The following EMX2 variants were observed in gnomAD, a reference collection of about 807,000 sequenced individuals.
The protein encoded by EMX2 is empty spiracles homeobox 2.
A neutral mutation model predicts 23.0 loss-of-function variants in EMX2; 6 were observed. That is an observed-to-expected ratio of 0.26 (90% confidence interval 0.14 to 0.52). The LOEUF is 0.52. Ranked by LOEUF, EMX2 falls within the 20% of genes least tolerant of loss-of-function variation. EMX2 has a pLI of 0.97. For missense variants in EMX2, 302 were observed against 341.4 expected, an observed-to-expected ratio of 0.88 and a Z score of 0.91; for synonymous variants, 175 against 153.3, an observed-to-expected ratio of 1.14 and a Z score of -1.04.
chr10:117,548,586 C>A lies in EMX2; in HGVS notation c.*354C>A. On this transcript the variant is annotated 3_prime_UTR_variant, in exon 3 of 3. Coordinates refer to ENST00000553456, the MANE Select transcript of EMX2 (RefSeq NM_004098.4). ...AGAGAGAGAGAGAAAGCTGAACGTG[C>A]ACTCTGACAAGGGGAGCTGTCAATC... The A allele has an allele frequency of 1.9e-6, 1 of 520,716 alleles. No homozygotes were observed. Among genetic ancestry groups the A allele is most frequent in the Non-Finnish European group, 3.3e-6 (1 of 298,858 alleles). The allele number at this position is 520,716 out of a possible 1,614,324, so 32.3% of individuals were successfully genotyped here. A position where few individuals can be genotyped will look rare whatever the true frequency, so the allele number is the denominator to read the frequency against.
intron 2 of EMX2, among the ~76,000 whole-genome samples, chr10:117,547,442 C>T (rs1184555490): frequency 6.6e-6 from 1 of 152,152 alleles, no homozygotes; most frequent in Non-Finnish European, 1.5e-5. Flanking sequence ...CTCCATGTCC[C>T]TCCTGGCCTC....
chr10:117,548,062 C>T lies in EMX2; in HGVS notation c.592-3C>T. ...ACGCACCCCATCTGCCTCTCACCCG[C>T]AGGTAAAAGTATGGTTTCAGAACCG... On this transcript the variant is annotated splice_polypyrimidine_tract_variant and splice_region_variant and intron_variant, in intron 2 of 2. Coordinates refer to ENST00000553456, the MANE Select transcript of EMX2 (RefSeq NM_004098.4). The T allele has an allele frequency of 6.2e-7, 1 of 1,608,786 alleles. No individual in the cohort carries two copies. Among genetic ancestry groups the T allele is most frequent in the Non-Finnish European group, 8.5e-7 (1 of 1,177,658 alleles).
At chr10:117,543,724 A>G (rs749703700) in intron 1 of EMX2, 51 bp downstream of exon 1, 1 of 1,612,630 alleles carries the variant, frequency 6.2e-7, no homozygotes, top group East Asian at 2.2e-5. Context: ...CGCATCCTTC[A>G]CTGCCCCCGG....
In EMX2 at chr10:117,543,588, C is replaced by G. The variant is rs376153573; in HGVS notation, c.321C>G (p.Pro107=). 2.5e-6 allele frequency: 4 copies of G among 1,613,520 alleles called. No individual in the cohort carries two copies. Among genetic ancestry groups the G allele is most frequent in the Non-Finnish European group, 3.4e-6 (4 of 1,179,734 alleles). ...TACCCTCCTCGCACTCGCCACACCCCCTATTCGCCTCGCAGCAGCGGGATC... is the reference window on the plus strand; with the variant it reads ...TACCCTCCTCGCACTCGCCACACCCGCTATTCGCCTCGCAGCAGCGGGATC... ...HPLPSSHSPH[P]LFASQQRDPS... The change falls in exon 1 of 3, where the codon CCC becomes CCG. Residue 107 remains proline (P), a synonymous_variant. Transcript: ENST00000553456.
chr10:117,544,208 A>T, intron 1 of EMX2: 1 of 174,962 alleles, frequency 5.7e-6, no homozygotes, highest in Non-Finnish European at 1.2e-5. Context: ...GGAGAAAAGT[A>T]TGGGATTTGT....
At position 117,548,675 on chromosome 10, in the gene EMX2, AATG is replaced by A; in HGVS notation, c.*455_*457del. On this transcript the variant is annotated 3_prime_UTR_variant, in exon 3 of 3. Transcript: ENST00000553456. ...TCCGTTTATCACAGTCCACTTAAAA[AATG>A]ATGATGATGATAAAAACCACGACCC... 2 of 416,152 alleles carry A rather than the reference AATG, an allele frequency of 4.8e-6. No homozygotes were observed. Among genetic ancestry groups the A allele is most frequent in the Non-Finnish European group, 4.2e-6 (1 of 236,042 alleles). 25.8% of individuals were successfully genotyped at this position (416,152 alleles called of 1,614,324 possible). A position where few individuals can be genotyped will look rare whatever the true frequency, so the allele number is the denominator to read the frequency against.
In EMX2 at chr10:117,543,213, G is replaced by C; in HGVS notation, c.-55G>C. 4 of 1,238,358 alleles carry C rather than the reference G, an allele frequency of 3.2e-6. No homozygotes were observed. The highest frequency in any genetic ancestry group is 1.5e-5 in the South Asian group (1 of 68,052). The allele number at this position is 1,238,358 out of a possible 1,614,324, so 76.7% of individuals were successfully genotyped here. ...CCGCGGGCAGCGGGCGGCGGAGGCAGCGTGCGGCGGTCGCCAGGAGCTGGG... is the reference window on the plus strand; with the variant it reads ...CCGCGGGCAGCGGGCGGCGGAGGCACCGTGCGGCGGTCGCCAGGAGCTGGG... On this transcript the variant is annotated 5_prime_UTR_variant, in exon 1 of 3. Coordinates refer to ENST00000553456, the MANE Select transcript of EMX2 (RefSeq NM_004098.4).
chr10:117,545,562 G>A (rs1846565247), intron 1 of EMX2, 70 bp from the exon 2 acceptor site: 1 of 1,596,692 alleles, frequency 6.3e-7, no homozygotes. Context: ...GGCCAGCCCG[G>A]CTCGGGAGAA....
Position 117,548,167 on chromosome 10 carries a change from A to G in EMX2, c.694A>G (p.Asn232Asp), listed in dbSNP as rs528005568. 2 of 1,614,080 alleles carry G rather than the reference A, an allele frequency of 1.2e-6. No individual in the cohort carries two copies. The highest frequency in any genetic ancestry group is 4.5e-5 in the East Asian group (2 of 44,874). Residue 232 changes from asparagine to aspartate, a missense_variant, in exon 3 of 3, where the codon AAC becomes GAC. Asn to Asp is a conservative substitution (Grantham distance 23). Coordinates refer to ENST00000553456, the MANE Select transcript of EMX2 (RefSeq NM_004098.4). The stretch of plus-strand genomic sequence containing the variant: ...AAAGAAAAAAGGGACGCACCATATT[A>G]ACCGGTGGAGAATCGCCACCAAGCA... ...QQKKKGTHHI[N>D]RWRIATKQAS...
At position 117,543,608 on chromosome 10, in the gene EMX2, G is replaced by A. The variant is rs1846529933; in HGVS notation, c.341G>A (p.Arg114Gln). 6 of 1,613,060 alleles carry A rather than the reference G, an allele frequency of 3.7e-6. No homozygotes were observed. The highest frequency in any genetic ancestry group is 1.1e-5 in the South Asian group (1 of 91,066). Reference sequence around the variant, plus strand: ...CACCCCCTATTCGCCTCGCAGCAGCGGGATCCGTCCACCTTCTACCCCTGG... The same window carrying A: ...CACCCCCTATTCGCCTCGCAGCAGCAGGATCCGTCCACCTTCTACCCCTGG... ...SPHPLFASQQ[R>Q]DPSTFYPWLI... is the part of the protein sequence containing the mutation. Residue 114 changes from arginine (R) to glutamine (Q), a missense_variant, in exon 1 of 3, where the codon CGG (arginine) becomes CAG (glutamine). Physicochemically the swap from Arg to Gln is conservative, Grantham distance 43 (BLOSUM62 1). Coordinates refer to ENST00000553456, the MANE Select transcript of EMX2 (RefSeq NM_004098.4).
In EMX2 at chr10:117,549,415, ATG is replaced by A. The variant is rs1413415214; in HGVS notation, c.*1185_*1186del. On this transcript the variant is annotated 3_prime_UTR_variant, in exon 3 of 3. Coordinates refer to ENST00000553456, the MANE Select transcript of EMX2 (RefSeq NM_004098.4). The stretch of plus-strand genomic sequence containing the variant: ...AAAGAGAGTGACAAATGCTTCCTTA[ATG>A]TCTTCTATACCAGAATGTAAATATT... 6.6e-6 allele frequency: 1 copy of A among 152,614 alleles called. No homozygotes were observed. Among genetic ancestry groups the A allele is most frequent in the Non-Finnish European group, 1.5e-5 (1 of 68,030 alleles). The allele number at this position is 152,614 out of a possible 1,614,324, so 9.5% of individuals were successfully genotyped here.
At chr10:117,543,840 C>T (rs8192645) in intron 1 of EMX2, among the ~76,000 whole-genome samples, 167 bp downstream of exon 1, 2 of 152,346 alleles carry the variant, frequency 1.3e-5, no homozygotes, top group African/African-American at 2.4e-5. Flanking sequence ...GGCGTGGTGT[C>T]GATCCCCAGT....
In EMX2 at chr10:117,548,363, G is replaced by A. The variant is rs1393326149; in HGVS notation, c.*131G>A. The A allele has an allele frequency of 2.9e-6, 4 of 1,391,562 alleles. No homozygotes were observed. The highest frequency in any genetic ancestry group is 3.9e-6 in the Non-Finnish European group (4 of 1,028,022). The allele number at this position is 1,391,562 out of a possible 1,614,324, so 86.2% of individuals were successfully genotyped here. A position where few individuals can be genotyped will look rare whatever the true frequency, so the allele number is the denominator to read the frequency against. On this transcript the variant is annotated 3_prime_UTR_variant, in exon 3 of 3. Coordinates refer to ENST00000553456, the MANE Select transcript of EMX2 (RefSeq NM_004098.4). ...TCACCGAGAAAGGGAGAGGGAATCG[G>A]AGGGAGCAGCGGAATGCGGCGAAGA...
At chr10:117,545,561 G>C in intron 1 of EMX2, 71 bp from the exon 2 acceptor site, 8 of 1,596,114 alleles carry the variant, frequency 5.0e-6, no homozygotes, top group Middle Eastern at 2.0e-4. Flanking sequence ...GGGCCAGCCC[G>C]GCTCGGGAGA....
rs899508620 is a variant in EMX2, at chr10:117,548,883, G to T, written c.*651G>T. ...GGTGTTTAAAGACCGAAAATGAATT[G>T]TAATTTTCTTTTCCTTTTAAAGACA... On this transcript the variant is annotated 3_prime_UTR_variant, in exon 3 of 3. Transcript: ENST00000553456. The T allele has an allele frequency of 5.7e-5, 22 of 389,374 alleles. No individual in the cohort carries two copies. The allele number at this position is 389,374 out of a possible 1,614,324, so 24.1% of individuals were successfully genotyped here. A position where few individuals can be genotyped will look rare whatever the true frequency, so the allele number is the denominator to read the frequency against.
Position 117,545,673 on chromosome 10 carries a change from C to G in EMX2, c.448C>G (p.Leu150Val), listed in dbSNP as rs1846567677. ...CGAGAGTTTCCTTTTGCACAACGCG[C>G]TGGCCCGAAAGCCCAAGCGGATCCG... ...SPESFLLHNA[L>V]ARKPKRIRTA... The change falls in exon 2 of 3, where the codon CTG becomes GTG. Residue 150 changes from leucine (L) to valine (V), a missense_variant. Leu to Val is a conservative substitution (Grantham distance 32). This residue lies in a region of EMX2 where 37 missense variants were observed against 69.1 expected (regional missense o/e 0.54). Coordinates refer to ENST00000553456, the MANE Select transcript of EMX2 (RefSeq NM_004098.4). 1 of 1,614,048 alleles carries G rather than the reference C, an allele frequency of 6.2e-7. No individual in the cohort carries two copies. Among genetic ancestry groups the G allele is most frequent in the Admixed American group, 1.7e-5 (1 of 60,012 alleles).
Position 117,543,360 on chromosome 10 carries a change from C to G in EMX2, c.93C>G (p.Ile31Met), listed in dbSNP as rs146160041. The stretch of plus-strand genomic sequence containing the variant: ...CCGCCTCGCGCTCCGAGGACCCCAT[C>G]CGTCCCGCGGCACTCAGCTACGCTA... ...PLPASRSEDPIRPAALSYANS... is the reference protein window; with the variant it reads ...PLPASRSEDPMRPAALSYANS... The change falls in exon 1 of 3, where the codon ATC becomes ATG. Residue 31 changes from isoleucine (I) to methionine (M), a missense_variant. Transcript: ENST00000553456. The G allele has an allele frequency of 6.4e-7, 1 of 1,565,930 alleles. No individual in the cohort carries two copies. The highest frequency in any genetic ancestry group is 8.6e-7 in the Non-Finnish European group (1 of 1,156,102).
In EMX2 at chr10:117,543,248, C is replaced by T. The variant is rs921189469; in HGVS notation, c.-20C>T. 2.6e-6 allele frequency: 4 copies of T among 1,530,410 alleles called. No homozygotes were observed. In the African/African-American group the frequency reaches 4.2e-5, roughly 16 times the overall value. The allele number at this position is 1,530,410 out of a possible 1,614,324, so 94.8% of individuals were successfully genotyped here. A position where few individuals can be genotyped will look rare whatever the true frequency, so the allele number is the denominator to read the frequency against. On this transcript the variant is annotated 5_prime_UTR_variant, in exon 1 of 3. Transcript: ENST00000553456. ...GTCGCCAGGAGCTGGGAGCCCAGGG[C>T]GCCCGCTCCTCGGCGCAGCATGTTC...
intron 2 of EMX2, among the ~76,000 whole-genome samples, chr10:117,546,304 G>A (rs1846577855): frequency 6.6e-6 from 1 of 152,222 alleles, no homozygotes; most frequent in Admixed American, 6.5e-5. Flanking sequence ...AAGGTAGAGG[G>A]CAAGCGTCCT....
Sources: gnomAD v4.1 joint callset for allele counts (sites outside exome capture counted in the v4.1 genomes callset) on GRCh38, gnomAD v4.1.1 for gene constraint, gnomAD v4.1.1 regional missense constraint, MANE v1.5 for transcripts, NCBI Gene and HGNC (gene_info 2026-07-23, HGNC 2026-07-21) for gene names.